The following CSMD3 variants were observed in gnomAD, a reference collection of about 807,000 sequenced individuals.
CSMD3 encodes the protein CUB and Sushi multiple domains 3.
Under a neutral mutation model 435.2 loss-of-function variants are expected in CSMD3, and 177 were observed. The observed-to-expected ratio is 0.41, with a 90% CI of 0.36 to 0.46. CSMD3 has a LOEUF of 0.46. Ranked by LOEUF, CSMD3 falls within the 20% of genes least tolerant of loss-of-function variation. The pLI is 0.34. For synonymous variants in CSMD3, 1,656 were observed against 1,520.5 expected (o/e 1.09, Z -2.07); for missense variants, 4,265 against 4,504.6 (o/e 0.95, Z 1.52).
At chr8:112,283,962 G>A (rs185351391) in intron 58 of CSMD3, among the ~76,000 whole-genome samples, 48 of 151,784 alleles carry the variant, frequency 3.2e-4, no homozygotes, top group Non-Finnish European at 5.5e-4. Flanking sequence ...TATTCTGACT[G>A]GATCATTACA....
chr8:113,023,368 A>G (rs1587909620), intron 5 of CSMD3, among the ~76,000 whole-genome samples: 2 of 151,416 alleles, frequency 1.3e-5, no homozygotes, highest in Non-Finnish European at 3.0e-5. Context: ...CTTTTTCACA[A>G]TTCTCCCACT....
chr8:113,329,715 T>C (rs1294973308), intron 1 of CSMD3, among the ~76,000 whole-genome samples: 1 of 152,070 alleles, frequency 6.6e-6, no homozygotes, highest in South Asian at 2.1e-4. Flanking sequence ...AGTGAGAATC[T>C]TGAAAGCAGC....
intron 22 of CSMD3, among the ~76,000 whole-genome samples, chr8:112,610,262 T>G (rs1181071454): frequency 6.6e-6 from 1 of 152,060 alleles, no homozygotes; most frequent in South Asian, 2.1e-4. Flanking sequence ...GATGTATAAT[T>G]AAAACATTAC....
chr8:112,792,716 T>G (rs1006427168), intron 13 of CSMD3, among the ~76,000 whole-genome samples: 1 of 152,182 alleles, frequency 6.6e-6, no homozygotes, highest in African/African-American at 2.4e-5. Flanking sequence ...AAGTTGATTA[T>G]TGTATATTGC....
intron 17 of CSMD3, among the ~76,000 whole-genome samples, chr8:112,663,647 T>A (rs915828746): frequency 2.0e-5 from 3 of 150,742 alleles, no homozygotes; most frequent in Non-Finnish European, 3.0e-5. Context: ...AAAAAAAAAA[T>A]GAAGAACAGT....
chr8:112,904,176 C>A (rs532502697), intron 10 of CSMD3, among the ~76,000 whole-genome samples: 1 of 151,420 alleles, frequency 6.6e-6, no homozygotes, highest in African/African-American at 2.4e-5. Context: ...TGACATTCAC[C>A]TTAGATGTAT....
intron 3 of CSMD3, among the ~76,000 whole-genome samples, chr8:113,195,605 T>C (rs1017086455): frequency 6.7e-6 from 1 of 150,340 alleles, no homozygotes; most frequent in Non-Finnish European, 1.5e-5. Flanking sequence ...TCTGGATAAA[T>C]GAAAGAGGAG....
intron 10 of CSMD3, among the ~76,000 whole-genome samples, chr8:112,892,046 T>C (rs1273960436): frequency 2.0e-5 from 3 of 151,648 alleles, no homozygotes; most frequent in Non-Finnish European, 4.4e-5. Context: ...ATGAATACTA[T>C]ATGTATTAAC....
At chr8:112,879,860 A>T (rs182832453) in intron 10 of CSMD3, among the ~76,000 whole-genome samples, 5 of 152,022 alleles carry the variant, frequency 3.3e-5, no homozygotes, top group Non-Finnish European at 7.4e-5. Flanking sequence ...TATAAGTGAG[A>T]GTTGAACAAT....
rs145617859 is a variant in CSMD3 at position 112,934,231 on chromosome 8, G to A, written c.1509-12480C>T. Among the ~76,000 whole-genome samples, 320 of 152,226 alleles carry A rather than the reference G, an allele frequency of 2.1e-3. 1 individual carries two copies. Among genetic ancestry groups the A allele is most frequent in the African/African-American group, 7.5e-3 (310 of 41,550 alleles). On this transcript the variant is annotated intron_variant, in intron 9 of 70. Transcript: ENST00000297405. ...TTCCTGGACTCTGACAGTGGTTGGA[G>A]AAGTAGCTAGTTCCTGCAACAAGTC...
Position 113,304,000 on chromosome 8 carries a change from G to C in CSMD3, c.401+10571C>G, listed in dbSNP as rs531842603. Among the ~76,000 whole-genome samples the C allele has an allele frequency of 8.5e-4, 118 of 138,950 alleles. 1 individual carries two copies. Among genetic ancestry groups the C allele is most frequent in the South Asian group, 5.1e-3 (20 of 3,936 alleles). The allele number at this position is 138,950 out of a possible 152,430, so 91.2% of individuals were successfully genotyped here. ...AACCTACAAAATGGGAGAAAATTTT[G>C]GCAACCTACTCATCTGACAAAGGGC... On this transcript the variant is annotated intron_variant, in intron 2 of 70. Coordinates refer to ENST00000297405, the MANE Select transcript of CSMD3 (RefSeq NM_198123.2).
intron 1 of CSMD3, among the ~76,000 whole-genome samples, chr8:113,324,539 T>C (rs2093970542): frequency 6.6e-6 from 1 of 152,140 alleles, no homozygotes; most frequent in African/African-American, 2.4e-5. Flanking sequence ...TTTGGGAACC[T>C]CCACCTAGAA....
intron 3 of CSMD3, among the ~76,000 whole-genome samples, chr8:113,195,812 T>TACACACAC (rs1399362220): frequency 4.3e-5 from 6 of 139,562 alleles, no homozygotes; most frequent in African/African-American, 1.7e-4. Context: ...TATATATATA[T>TACACACAC]ATACACACAC....
chr8:113,361,654 A>T (rs1027540615), intron 1 of CSMD3, among the ~76,000 whole-genome samples: 1 of 152,130 alleles, frequency 6.6e-6, no homozygotes, highest in Non-Finnish European at 1.5e-5. Flanking sequence ...GATTTAAAAA[A>T]TAATTAAAAA....
chr8:112,253,599 C>T (rs1049903785), intron 63 of CSMD3, among the ~76,000 whole-genome samples: 2 of 151,912 alleles, frequency 1.3e-5, no homozygotes, highest in Non-Finnish European at 2.9e-5. Context: ...AATCAGTATG[C>T]ACTTTGGCTC....
intron 6 of CSMD3, among the ~76,000 whole-genome samples, chr8:113,000,342 A>C (rs902064673): frequency 6.6e-6 from 1 of 152,178 alleles, no homozygotes; most frequent in East Asian, 1.9e-4. Flanking sequence ...AAATTCTTCT[A>C]TGAAATTAAT....
chr8:112,828,482 C>T (rs2079765248), intron 12 of CSMD3, among the ~76,000 whole-genome samples: 1 of 151,950 alleles, frequency 6.6e-6, no homozygotes, highest in Non-Finnish European at 1.5e-5. Flanking sequence ...TTCTCTCCTG[C>T]CACCATCTCT....
chr8:113,367,273 G>C (rs1437140801), intron 1 of CSMD3, among the ~76,000 whole-genome samples: 1 of 151,806 alleles, frequency 6.6e-6, no homozygotes, highest in African/African-American at 2.4e-5. Context: ...CATTCAACTT[G>C]AGTTCTGGAA....
chr8:113,371,556 T>C (rs1177085770), intron 1 of CSMD3, among the ~76,000 whole-genome samples: 1 of 152,156 alleles, frequency 6.6e-6, no homozygotes, highest in East Asian at 1.9e-4. Context: ...TTATTTGCTT[T>C]TGCACTGCTC....
Sources: gnomAD v4.1 joint callset for allele counts (sites outside exome capture counted in the v4.1 genomes callset) on GRCh38, gnomAD v4.1.1 for gene constraint, MANE v1.5 for transcripts, NCBI Gene and HGNC (gene_info 2026-07-23, HGNC 2026-07-21) for gene names.